MAST4: variants seen among roughly 807,000 people sequenced by gnomAD.
The protein encoded by MAST4 is microtubule associated serine/threonine kinase family member 4, also known as microtubule-associated serine/threonine-protein kinase 4.
A neutral mutation model predicts 162.7 loss-of-function variants in MAST4; 89 were observed. The observed-to-expected ratio is 0.55, with a 90% CI of 0.46 to 0.65. The LOEUF is 0.65. Among genes scored for constraint, MAST4 ranks in the 30% least tolerant of loss-of-function variants. The pLI, the probability that MAST4 is intolerant of heterozygous loss-of-function variation, is 0.00. For missense variants in MAST4, 3,153 were observed against 3,374.0 expected (o/e 0.93, Z 1.62); for synonymous variants, 1,479 against 1,361.1 (o/e 1.09, Z -1.91).
chr5:67,154,808 T>TTGGGATAAATAACAAATAAATAATAAA (rs1772289852), intron 26 of MAST4, among the ~76,000 whole-genome samples: 1 of 152,230 alleles, frequency 6.6e-6, no homozygotes, highest in Admixed American at 6.5e-5. Flanking sequence ...ACCAAGAGGA[T>TTGGGATAAATAACAAATAAATAATAAA]ACAAGGGATT....
At chr5:66,598,320 T>G (rs1742331545) in intron 1 of MAST4, among the ~76,000 whole-genome samples, 2 of 152,196 alleles carry the variant, frequency 1.3e-5, no homozygotes, top group Non-Finnish European at 2.9e-5. Context: ...TACTGAGTGG[T>G]GAGACCTTGG....
chr5:66,802,913 GGCT>G (rs745496993), intron 3 of MAST4, among the ~76,000 whole-genome samples: 1 of 152,120 alleles, frequency 6.6e-6, no homozygotes, highest in Non-Finnish European at 1.5e-5. Flanking sequence ...GTGGTTTGGA[GGCT>G]GCTATCATCC....
intron 23 of MAST4, among the ~76,000 whole-genome samples, chr5:67,146,284 A>T (rs1771072057): frequency 6.6e-6 from 1 of 152,262 alleles, no homozygotes; most frequent in Admixed American, 6.5e-5. Flanking sequence ...TTAATATATC[A>T]TGGATACTTG....
chr5:67,050,433 C>T (rs1758031315), intron 4 of MAST4, among the ~76,000 whole-genome samples: 1 of 152,188 alleles, frequency 6.6e-6, no homozygotes, highest in African/African-American at 2.4e-5. Context: ...TGCTCACCTC[C>T]TGCCCCTCAG....
At chr5:66,746,078 C>T (rs1241663172) in intron 1 of MAST4, among the ~76,000 whole-genome samples, 1 of 152,186 alleles carries the variant, frequency 6.6e-6, no homozygotes, top group Non-Finnish European at 1.5e-5. Flanking sequence ...TCTGGGCCTC[C>T]ATCTTCCAGT....
rs2151141800 is a variant in MAST4 at position 67,166,118 on chromosome 5, T to C, written c.6939T>C (p.Ser2313=). 1 of 1,606,930 alleles carries C rather than the reference T, an allele frequency of 6.2e-7. No individual in the cohort carries two copies. Among genetic ancestry groups the C allele is most frequent in the South Asian group, 1.1e-5 (1 of 89,922 alleles). Residue 2313 remains serine (S), a synonymous_variant, in exon 29 of 29, where the codon AGT becomes AGC. Coordinates refer to ENST00000403625, the MANE Select transcript of MAST4 (RefSeq NM_001164664.2). ...HLPRPGHPGP[S]EPADQKLSAV... ...CAAGGCCGGGACACCCAGGGCCTAG[T>C]GAGCCAGCGGACCAGAAACTGTCCG...
chr5:66,879,028 C>G (rs748403611), intron 3 of MAST4, among the ~76,000 whole-genome samples: 7 of 152,182 alleles, frequency 4.6e-5, no homozygotes, highest in Non-Finnish European at 7.3e-5. Flanking sequence ...GCCTGTAATC[C>G]CAGCACTTTG....
chr5:66,753,187 A>G (rs989190130), intron 1 of MAST4, among the ~76,000 whole-genome samples: 2 of 152,156 alleles, frequency 1.3e-5, no homozygotes, highest in African/African-American at 4.8e-5. Context: ...TAAATGCCCA[A>G]AAGAGAAAGC....
chr5:66,819,311 A>G (rs960158937), intron 3 of MAST4, among the ~76,000 whole-genome samples: 2 of 152,150 alleles, frequency 1.3e-5, no homozygotes, highest in African/African-American at 2.4e-5. Context: ...TCTCAAACCT[A>G]TTTGGCTGCT....
chr5:66,920,213 A>G (rs1452161182), intron 4 of MAST4, among the ~76,000 whole-genome samples: 1 of 152,178 alleles, frequency 6.6e-6, no homozygotes, highest in Non-Finnish European at 1.5e-5. Context: ...TAAAAGGCAT[A>G]TTGTGTTTCC....
At chr5:66,787,144 CTAAA>C (rs1262091613) in intron 2 of MAST4, among the ~76,000 whole-genome samples, 1 of 152,158 alleles carries the variant, frequency 6.6e-6, no homozygotes, top group African/African-American at 2.4e-5. Context: ...GCTGTTATGG[CTAAA>C]TAGTTAACAT....
intron 27 of MAST4, among the ~76,000 whole-genome samples, chr5:67,161,328 GA>G (rs5868479): frequency 0.037 from 5,641 of 152,082 alleles, 298 homozygotes; most frequent in East Asian, 0.17. Flanking sequence ...ACTCTGGGGG[GA>G]AAAAAAGTTA....
intron 1 of MAST4, among the ~76,000 whole-genome samples, chr5:66,638,050 T>C (rs887166676): frequency 1.3e-5 from 2 of 152,242 alleles, no homozygotes; most frequent in Admixed American, 1.3e-4. Context: ...GTTTTCTTAA[T>C]TAAATTTTTA....
chr5:66,641,949 A>G (rs1366006267), intron 1 of MAST4, among the ~76,000 whole-genome samples: 3 of 152,354 alleles, frequency 2.0e-5, no homozygotes, highest in East Asian at 1.9e-4. Context: ...GATGATGAAT[A>G]GTTAATAATT....
rs180968914 is a variant in MAST4, at chr5:66,638,479, A to G, written c.363+41461A>G. Among the ~76,000 whole-genome samples the G allele has an allele frequency of 3.3e-3, 510 of 152,306 alleles. 3 individuals carry two copies. Among genetic ancestry groups the G allele is most frequent in the Non-Finnish European group, 5.4e-3 (364 of 68,020 alleles). On this transcript the variant is annotated intron_variant, in intron 1 of 28. Coordinates refer to ENST00000403625, the MANE Select transcript of MAST4 (RefSeq NM_001164664.2). The stretch of plus-strand genomic sequence containing the variant: ...AAATTCTTGGGACCAGCAGTGTTTT[A>G]GGTTTTTAAAAAAGATGTTCAAATA...
chr5:66,698,183 C>A (rs139153481), intron 1 of MAST4, among the ~76,000 whole-genome samples: 1 of 151,968 alleles, frequency 6.6e-6, no homozygotes, highest in Non-Finnish European at 1.5e-5. Flanking sequence ...GGGCTTAACA[C>A]AGCCCTGATT....
chr5:66,814,679 T>C (rs16895661), intron 3 of MAST4, among the ~76,000 whole-genome samples: 7,363 of 152,276 alleles, frequency 0.048, 267 homozygotes, highest in South Asian at 0.13. Flanking sequence ...AAGATGTATC[T>C]GTCAAGCATG....
intron 2 of MAST4, among the ~76,000 whole-genome samples, chr5:66,761,685 G>A (rs1362343606): frequency 6.6e-6 from 1 of 151,754 alleles, no homozygotes; most frequent in Admixed American, 6.6e-5. Flanking sequence ...CCACTCTGCT[G>A]GAACAAAAGG....
intron 11 of MAST4, among the ~76,000 whole-genome samples, chr5:67,111,381 C>T (rs562645598): frequency 4.6e-5 from 7 of 152,252 alleles, no homozygotes; most frequent in Non-Finnish European, 7.4e-5. Flanking sequence ...ACCATAAATA[C>T]GTACTAGTGC....
Sources: gnomAD v4.1 joint callset for allele counts (sites outside exome capture counted in the v4.1 genomes callset) on GRCh38, gnomAD v4.1.1 for gene constraint, MANE v1.5 for transcripts, NCBI Gene and HGNC (gene_info 2026-07-23, HGNC 2026-07-21) for gene names.